Variants in RPS6KC1 observed in about 807,000 individuals in gnomAD.
The protein encoded by RPS6KC1 is inactive ribosomal protein S6 kinase delta-1.
In RPS6KC1, 54 loss-of-function variants were observed where a neutral mutation model predicts 103.8. The ratio of observed to expected loss-of-function variants is 0.52; its 90% CI spans 0.42 to 0.65. RPS6KC1 has a LOEUF of 0.65. Ranked by LOEUF, RPS6KC1 falls within the 30% of genes least tolerant of loss-of-function variation. RPS6KC1 has a pLI of 0.00. For synonymous variants in RPS6KC1, 439 were observed against 438.7 expected (o/e 1.00, Z -0.01); for missense variants, 1,151 against 1,253.8 (o/e 0.92, Z 1.24).
At chr1:213,796,568 T>C in the RPS6KC1 span, among the ~76,000 whole-genome samples, 1 of 152,154 alleles carries the variant, frequency 6.6e-6, no homozygotes. Flanking sequence ...GGTACCTCAA[T>C]CATGTTCACC....
intron 4 of RPS6KC1, among the ~76,000 whole-genome samples, chr1:213,113,043 A>G (rs1227392145): frequency 6.6e-6 from 1 of 152,198 alleles, no homozygotes; most frequent in African/African-American, 2.4e-5. Flanking sequence ...GTGTCTTTGT[A>G]GCAGCATGAT....
At chr1:213,343,242 A>G in the RPS6KC1 span, among the ~76,000 whole-genome samples, 1 of 151,398 alleles carries the variant, frequency 6.6e-6, no homozygotes, top group South Asian at 2.1e-4. Context: ...AATATAAGAC[A>G]CAATGAAAAG....
At chr1:213,608,014 C>T in the RPS6KC1 span, among the ~76,000 whole-genome samples, 1 of 152,138 alleles carries the variant, frequency 6.6e-6, no homozygotes, top group Non-Finnish European at 1.5e-5. Context: ...TGATTCGGTT[C>T]CCCAAATGTC....
At chr1:213,743,796 G>A in the RPS6KC1 span, among the ~76,000 whole-genome samples, 1 of 152,202 alleles carries the variant, frequency 6.6e-6, no homozygotes, top group South Asian at 2.1e-4. Flanking sequence ...AATGAGAAGT[G>A]ATGGACACAG....
chr1:213,210,751 T>G (rs2093481554), intron 8 of RPS6KC1, among the ~76,000 whole-genome samples: 1 of 152,228 alleles, frequency 6.6e-6, no homozygotes, highest in Non-Finnish European at 1.5e-5. Context: ...ACTGAACACA[T>G]TTAAAAATAA....
the RPS6KC1 span, among the ~76,000 whole-genome samples, chr1:213,718,396 C>T: frequency 2.0e-5 from 3 of 152,180 alleles, no homozygotes; most frequent in Admixed American, 1.3e-4. Context: ...GATGAGAAAA[C>T]TGAGCCCTAT....
the RPS6KC1 span, among the ~76,000 whole-genome samples, chr1:213,558,966 ATCTT>A: frequency 6.6e-6 from 1 of 152,240 alleles, no homozygotes; most frequent in Non-Finnish European, 1.5e-5. Context: ...TGATTCTTGA[ATCTT>A]TCTTTGATCA....
the RPS6KC1 span, among the ~76,000 whole-genome samples, chr1:213,719,435 A>G: frequency 1.4e-4 from 21 of 152,348 alleles, no homozygotes; most frequent in Non-Finnish European, 2.6e-4. Flanking sequence ...GTGACACACA[A>G]TAACACAATA....
chr1:213,652,697 A>G, the RPS6KC1 span, among the ~76,000 whole-genome samples: 1 of 152,172 alleles, frequency 6.6e-6, no homozygotes. Context: ...CTTTGCCTGC[A>G]TGTGAGGCCA....
intron 6 of RPS6KC1, among the ~76,000 whole-genome samples, chr1:213,144,732 A>C (rs1327011124): frequency 1.3e-5 from 2 of 152,032 alleles, no homozygotes; most frequent in African/African-American, 2.4e-5. Flanking sequence ...TACAATAGCA[A>C]TATCATATCA....
chr1:213,199,263 A>G (rs1048375399), intron 8 of RPS6KC1, among the ~76,000 whole-genome samples: 7 of 152,230 alleles, frequency 4.6e-5, no homozygotes, highest in African/African-American at 1.7e-4. Context: ...GGCAAATTGA[A>G]TCCAGCACCA....
the RPS6KC1 span, among the ~76,000 whole-genome samples, chr1:213,660,895 G>T: frequency 6.6e-6 from 1 of 152,142 alleles, no homozygotes; most frequent in Non-Finnish European, 1.5e-5. Context: ...GCACAAATTC[G>T]CCAGTCGTTG....
the RPS6KC1 span, among the ~76,000 whole-genome samples, chr1:213,387,887 C>T: frequency 6.6e-6 from 1 of 152,226 alleles, no homozygotes; most frequent in Non-Finnish European, 1.5e-5. Context: ...TTGTCTGTTG[C>T]TCCTTCCTGT....
At chr1:213,737,885 A>C in the RPS6KC1 span, among the ~76,000 whole-genome samples, 5 of 152,230 alleles carry the variant, frequency 3.3e-5, no homozygotes, top group Non-Finnish European at 7.3e-5. Context: ...TTGGCTGATA[A>C]ATAGGTCTCA....
the RPS6KC1 span, among the ~76,000 whole-genome samples, chr1:213,642,078 A>G: frequency 6.6e-6 from 1 of 151,716 alleles, no homozygotes; most frequent in African/African-American, 2.4e-5. Flanking sequence ...AACTTCCCTG[A>G]CTCCTTGGGT....
chr1:213,426,776 T>G, the RPS6KC1 span, among the ~76,000 whole-genome samples: 1 of 152,206 alleles, frequency 6.6e-6, no homozygotes, highest in African/African-American at 2.4e-5. Flanking sequence ...AGTCAACATT[T>G]AATTGTGATA....
rs1386006256 is a variant in RPS6KC1 at position 213,274,455 on chromosome 1, G to T, written c.*1821G>T. The T allele has an allele frequency of 6.6e-6, 1 of 152,204 alleles. No individual in the cohort carries two copies. Among genetic ancestry groups the T allele is most frequent in the Non-Finnish European group, 1.5e-5 (1 of 68,034 alleles). 9.4% of individuals were successfully genotyped at this position (152,204 alleles called of 1,614,324 possible). ...TCAAAGGACATTAATGTCAACAGAT[G>T]GTTGCCATGTCAGTCTGTTGACACA... is the stretch of plus-strand genomic sequence containing the variant. On this transcript the variant is annotated 3_prime_UTR_variant, in exon 15 of 15. Transcript: ENST00000366960.
chr1:213,268,227 T>C (rs2094956469), intron 14 of RPS6KC1, among the ~76,000 whole-genome samples: 1 of 151,910 alleles, frequency 6.6e-6, no homozygotes, highest in Non-Finnish European at 1.5e-5. Context: ...CAGTAATGTC[T>C]AACTAATTAT....
the RPS6KC1 span, among the ~76,000 whole-genome samples, chr1:213,423,646 G>T: frequency 6.6e-6 from 1 of 152,194 alleles, no homozygotes; most frequent in African/African-American, 2.4e-5. Context: ...CCAGCAAGAG[G>T]AAAGGACTTC....
Sources: gnomAD v4.1 joint callset for allele counts (sites outside exome capture counted in the v4.1 genomes callset) on GRCh38, gnomAD v4.1.1 for gene constraint, MANE v1.5 for transcripts, NCBI Gene and HGNC (gene_info 2026-07-23, HGNC 2026-07-21) for gene names.